The following RETREG1 variants were observed in gnomAD, a reference collection of about 807,000 sequenced individuals.
The protein encoded by RETREG1 is reticulophagy regulator 1, also known as family with sequence similarity 134 member B.
RETREG1 carries 44 observed loss-of-function variants against 54.8 expected under a neutral mutation model. That is an observed-to-expected ratio of 0.80 (90% CI 0.63 to 1.03). The LOEUF (loss-of-function observed/expected upper bound fraction) is 1.03. RETREG1 is among the 50% of genes least tolerant of loss of function. The pLI, the probability that RETREG1 is intolerant of heterozygous loss-of-function variation, is 0.00. For synonymous variants in RETREG1, 217 were observed against 238.5 expected, an observed-to-expected ratio of 0.91 and a Z score of 0.83; for missense variants, 554 against 605.1, an observed-to-expected ratio of 0.92 and a Z score of 0.89.
At chr5:16,571,841 A>G (rs1045418513) in intron 2 of RETREG1, among the ~76,000 whole-genome samples, 155 bp downstream of exon 2, 4 of 152,324 alleles carry the variant, frequency 2.6e-5, no homozygotes, top group South Asian at 2.1e-4. Context: ...CAAAGACAGC[A>G]CCACCTCAAT....
intron 3 of RETREG1, among the ~76,000 whole-genome samples, chr5:16,494,867 CA>C (rs1407441615): frequency 6.6e-6 from 1 of 152,036 alleles, no homozygotes; most frequent in Non-Finnish European, 1.5e-5. Flanking sequence ...TTGGAGAGCT[CA>C]AAAGAAGACA....
chr5:16,490,505 T>C (rs1369391007), intron 3 of RETREG1, among the ~76,000 whole-genome samples: 1 of 152,140 alleles, frequency 6.6e-6, no homozygotes, highest in African/African-American at 2.4e-5. Context: ...ACAGGCACCA[T>C]AAAAAAGAAT....
chr5:16,502,353 C>T (rs1739752686), intron 3 of RETREG1, among the ~76,000 whole-genome samples: 1 of 152,186 alleles, frequency 6.6e-6, no homozygotes, highest in Admixed American at 6.5e-5. Context: ...ATGTCCCCTA[C>T]CCTCTAATCA....
chr5:16,576,548 C>T (rs934730831), intron 1 of RETREG1, among the ~76,000 whole-genome samples: 2 of 152,106 alleles, frequency 1.3e-5, no homozygotes, highest in South Asian at 4.1e-4. Flanking sequence ...TGCAATGGCA[C>T]GATCTCGGCT....
At chr5:16,607,244 T>TATA (rs1409952067) in intron 1 of RETREG1, among the ~76,000 whole-genome samples, 1 of 152,156 alleles carries the variant, frequency 6.6e-6, no homozygotes, top group Non-Finnish European at 1.5e-5. Context: ...ACCACTAGAA[T>TATA]ATAAGCTCTG....
chr5:16,508,317 T>C lies in RETREG1; in HGVS notation c.459-24845A>G, dbSNP rs551319065. 4.6e-5 allele frequency among the ~76,000 whole-genome samples: 7 copies of C among 152,344 alleles called. No homozygotes were observed. In the South Asian group the frequency reaches 1.5e-3, roughly 32 times the overall value. ...TTCTACATTATGTGCTGGGAAACACTTTTTTAAAAAATTTCAGGCCATCAC... is the reference window on the plus strand; with the variant it reads ...TTCTACATTATGTGCTGGGAAACACCTTTTTAAAAAATTTCAGGCCATCAC... On this transcript the variant is annotated intron_variant, in intron 3 of 8. Coordinates refer to ENST00000306320, the MANE Select transcript of RETREG1 (RefSeq NM_001034850.3).
chr5:16,536,546 C>G (rs116112247), intron 3 of RETREG1, among the ~76,000 whole-genome samples: 1 of 151,914 alleles, frequency 6.6e-6, no homozygotes, highest in Non-Finnish European at 1.5e-5. Context: ...TCTAACTCCT[C>G]GCCCAAGGAG....
chr5:16,517,283 G>T (rs954563748), intron 3 of RETREG1, among the ~76,000 whole-genome samples: 6 of 152,166 alleles, frequency 3.9e-5, no homozygotes, highest in Non-Finnish European at 8.8e-5. Context: ...GGCCTGACCT[G>T]AACACTCTTG....
At chr5:16,539,509 G>C (rs1741177733) in intron 3 of RETREG1, among the ~76,000 whole-genome samples, 2 of 152,254 alleles carry the variant, frequency 1.3e-5, no homozygotes, top group South Asian at 4.2e-4. Flanking sequence ...GACAAGGAAA[G>C]GTCAAAATAC....
chr5:16,505,024 G>C (rs1739893072), intron 3 of RETREG1, among the ~76,000 whole-genome samples: 1 of 152,154 alleles, frequency 6.6e-6, no homozygotes, highest in African/African-American at 2.4e-5. Flanking sequence ...AAACTTCCAA[G>C]AATAAAATTT....
chr5:16,569,491 G>A (rs904629200), intron 2 of RETREG1, among the ~76,000 whole-genome samples: 1 of 152,048 alleles, frequency 6.6e-6, no homozygotes, highest in Non-Finnish European at 1.5e-5. Flanking sequence ...GGCTCAACAC[G>A]GACTGACCCA....
intron 1 of RETREG1, among the ~76,000 whole-genome samples, chr5:16,609,359 TCTGTAACTGTATATAA>T (rs148269477): frequency 0.12 from 17,501 of 152,098 alleles, 1,027 homozygotes; most frequent in Non-Finnish European, 0.13. Context: ...TTTACTGAAG[TCTGTAACTGTATATAA>T]CTGTAACTGT....
At chr5:16,583,471 C>G (rs886872310) in intron 1 of RETREG1, among the ~76,000 whole-genome samples, 1 of 151,902 alleles carries the variant, frequency 6.6e-6, no homozygotes, top group Non-Finnish European at 1.5e-5. Flanking sequence ...CCAGCCTGGA[C>G]GATGGAGCGA....
intron 3 of RETREG1, among the ~76,000 whole-genome samples, chr5:16,516,951 GA>G (rs11286663): frequency 0.73 from 110,921 of 151,022 alleles, 40,889 homozygotes; most frequent in Middle Eastern, 0.83. Flanking sequence ...AAAAGTAAAT[GA>G]AAAAAAAAAT....
intron 4 of RETREG1, among the ~76,000 whole-genome samples, chr5:16,482,186 A>G (rs1306319823): frequency 6.6e-6 from 1 of 152,050 alleles, no homozygotes; most frequent in African/African-American, 2.4e-5. Flanking sequence ...CTGGAATTCT[A>G]TAAATGAAAT....
chr5:16,550,462 G>A (rs114691983), intron 3 of RETREG1, among the ~76,000 whole-genome samples: 1,570 of 152,080 alleles, frequency 0.01, 31 homozygotes, highest in African/African-American at 0.035. Context: ...CAATATTTAT[G>A]GATGATGAGC....
At chr5:16,475,294 G>A in intron 8 of RETREG1, 60 bp from the exon 9 acceptor site, 1 of 1,577,008 alleles carries the variant, frequency 6.3e-7, no homozygotes, top group Non-Finnish European at 8.6e-7. Flanking sequence ...AAATAAAAGT[G>A]CTGTCTAAAG....
rs538023351 is a variant in RETREG1 at position 16,520,894 on chromosome 5, A to C, written c.459-37422T>G. On this transcript the variant is annotated intron_variant, in intron 3 of 8. Transcript: ENST00000306320. ...GGAGGTGGCAGGGAATTCAGAGGAC[A>C]GGAGTAGCCTCTGGAAACACGGAGA... Among the ~76,000 whole-genome samples, 6 of 152,216 alleles carry C rather than the reference A, an allele frequency of 3.9e-5. No homozygotes were observed. The South Asian group carries it at 1.2e-3, about 32-fold the overall frequency.
At chr5:16,570,445 C>A (rs2126632351) in intron 2 of RETREG1, among the ~76,000 whole-genome samples, 1 of 152,272 alleles carries the variant, frequency 6.6e-6, no homozygotes, top group East Asian at 1.9e-4. Context: ...ATAACTTGTG[C>A]CCAGACTAGG....
Sources: allele counts gnomAD v4.1 joint callset (sites outside exome capture counted in the v4.1 genomes callset), GRCh38; gene constraint gnomAD v4.1.1; transcripts MANE v1.5; gene names NCBI Gene and HGNC (gene_info 2026-07-23, HGNC 2026-07-21).